C1orf21: variants seen among roughly 807,000 people sequenced by gnomAD.
The protein encoded by C1orf21 is uncharacterized protein C1orf21.
Under a neutral mutation model 18.7 loss-of-function variants are expected in C1orf21, and 3 were observed. That is an observed-to-expected ratio of 0.16 (90% CI 0.07 to 0.42). The LOEUF is 0.42. C1orf21 is among the 10% of genes least tolerant of loss of function. The pLI is 0.99. For synonymous variants in C1orf21, 41 were observed against 46.4 expected (o/e 0.88, Z 0.47); for missense variants, 104 against 143.6 (o/e 0.72, Z 1.41).
intron 1 of C1orf21, among the ~76,000 whole-genome samples, chr1:184,413,117 T>C (rs1656383545): frequency 1.3e-5 from 2 of 152,226 alleles, no homozygotes; most frequent in South Asian, 2.1e-4. Context: ...ATCTCTGTTA[T>C]TCTTCCTGAT....
intron 3 of C1orf21, among the ~76,000 whole-genome samples, chr1:184,560,361 A>C (rs1658946740): frequency 6.6e-6 from 1 of 152,188 alleles, no homozygotes; most frequent in African/African-American, 2.4e-5. Context: ...AGATCTTTGC[A>C]AACCTAGAGA....
intron 3 of C1orf21, among the ~76,000 whole-genome samples, chr1:184,555,390 C>G (rs1355663463): frequency 1.3e-5 from 2 of 151,992 alleles, no homozygotes; most frequent in Non-Finnish European, 2.9e-5. Flanking sequence ...TACACTGAGG[C>G]AGCCCCTCAG....
In C1orf21 at chr1:184,548,245, ACACACACACACT is replaced by A. The variant is rs750321154; in HGVS notation, c.189+40571_189+40582del. 1.5e-3 allele frequency among the ~76,000 whole-genome samples: 227 copies of A among 149,280 alleles called. 2 individuals are homozygous for A. Among genetic ancestry groups the A allele is most frequent in the African/African-American group, 5.7e-3 (224 of 39,236 alleles). On this transcript the variant is annotated intron_variant, in intron 3 of 5. Coordinates refer to ENST00000235307, the MANE Select transcript of C1orf21 (RefSeq NM_030806.4). ...CACACACACACACACACACACACAC[ACACACACACACT>A]CACACACTCACTCACACTGTAGTTA... is the stretch of plus-strand genomic sequence containing the variant.
chr1:184,441,557 T>A (rs1329411446), intron 1 of C1orf21, among the ~76,000 whole-genome samples: 1 of 152,234 alleles, frequency 6.6e-6, no homozygotes, highest in Non-Finnish European at 1.5e-5. Flanking sequence ...TATTATAATG[T>A]GTGATTATTA....
chr1:184,561,112 A>G (rs1377963571), intron 3 of C1orf21, among the ~76,000 whole-genome samples: 1 of 152,218 alleles, frequency 6.6e-6, no homozygotes, highest in Non-Finnish European at 1.5e-5. Flanking sequence ...CATCTTGACA[A>G]GGGCATTTAC....
At chr1:184,494,975 C>T (rs528639194) in intron 2 of C1orf21, among the ~76,000 whole-genome samples, 3 of 152,030 alleles carry the variant, frequency 2.0e-5, no homozygotes, top group Non-Finnish European at 4.4e-5. Context: ...GGGCATGGCC[C>T]AAGTGAGGAG....
At chr1:184,436,530 C>T (rs1458210125) in intron 1 of C1orf21, among the ~76,000 whole-genome samples, 1 of 151,904 alleles carries the variant, frequency 6.6e-6, no homozygotes, top group Admixed American at 6.6e-5. Flanking sequence ...CTGCCCAGCC[C>T]CCAGGAGCCC....
chr1:184,565,104 ATGT>A (rs1659017228), intron 3 of C1orf21, among the ~76,000 whole-genome samples: 1 of 152,218 alleles, frequency 6.6e-6, no homozygotes, highest in South Asian at 2.1e-4. Context: ...AAACCTCATG[ATGT>A]TAGAACAAAA....
intron 3 of C1orf21, among the ~76,000 whole-genome samples, chr1:184,582,773 C>G (rs1225606330): frequency 3.3e-5 from 5 of 152,148 alleles, no homozygotes; most frequent in African/African-American, 1.2e-4. Context: ...GCATCCTGAA[C>G]ATGGGTGTTG....
chr1:184,460,679 C>CTTCTTCTTTCTTCT (rs1657293567), intron 1 of C1orf21, among the ~76,000 whole-genome samples: 1 of 82,830 alleles, frequency 1.2e-5, no homozygotes, highest in African/African-American at 3.5e-5. Context: ...TCTTCTTCTT[C>CTTCTTCTTTCTTCT]TTCTTCTTTC....
At chr1:184,476,844 T>C (rs1389842516) in intron 1 of C1orf21, among the ~76,000 whole-genome samples, 1 of 152,154 alleles carries the variant, frequency 6.6e-6, no homozygotes, top group Non-Finnish European at 1.5e-5. Context: ...TACTGAATTA[T>C]TTACAGCCTT....
intron 3 of C1orf21, among the ~76,000 whole-genome samples, 200 bp downstream of exon 3, chr1:184,507,882 G>A (rs1345381992): frequency 1.3e-5 from 2 of 152,134 alleles, no homozygotes; most frequent in African/African-American, 2.4e-5. Context: ...TAATCTTGAT[G>A]GGGAATGCTC....
At chr1:184,567,807 C>G (rs373876502) in intron 3 of C1orf21, 79 of 230,780 alleles carry the variant, frequency 3.4e-4, no homozygotes, top group African/African-American at 1.7e-3. Flanking sequence ...CAAGGCCCTC[C>G]GCATACTAGC....
At chr1:184,462,758 C>T (rs1478250926) in intron 1 of C1orf21, among the ~76,000 whole-genome samples, 3 of 152,020 alleles carry the variant, frequency 2.0e-5, no homozygotes, top group Non-Finnish European at 2.9e-5. Flanking sequence ...GAGATTGATT[C>T]CCCCTTCCTC....
chr1:184,489,987 C>T (rs1657793976), intron 2 of C1orf21, among the ~76,000 whole-genome samples: 1 of 152,108 alleles, frequency 6.6e-6, no homozygotes, highest in African/African-American at 2.4e-5. Flanking sequence ...CAAATGTTTC[C>T]ATCTCCAGAA....
intron 2 of C1orf21, among the ~76,000 whole-genome samples, chr1:184,484,755 C>A (rs148765364): frequency 1.5e-3 from 231 of 152,322 alleles, no homozygotes; most frequent in African/African-American, 5.3e-3. Flanking sequence ...TGGTGTGAGA[C>A]TGAGCAGCAG....
intron 3 of C1orf21, among the ~76,000 whole-genome samples, chr1:184,554,092 C>T (rs1461820187): frequency 2.0e-5 from 3 of 152,176 alleles, no homozygotes; most frequent in African/African-American, 7.2e-5. Flanking sequence ...TCCTTTCTTG[C>T]TTGTAATTTT....
chr1:184,546,009 A>G (rs984054543), intron 3 of C1orf21: 2 of 152,178 alleles, frequency 1.3e-5, no homozygotes, highest in South Asian at 2.1e-4. Context: ...CCTTCTTACT[A>G]TCTGTCAAAT....
At chr1:184,545,050 C>A (rs547742650) in intron 3 of C1orf21, among the ~76,000 whole-genome samples, 1 of 152,322 alleles carries the variant, frequency 6.6e-6, no homozygotes, top group East Asian at 1.9e-4. Flanking sequence ...ACCATTATTT[C>A]TGCTGTAGAT....
Sources: gnomAD v4.1 joint callset for allele counts (sites outside exome capture counted in the v4.1 genomes callset) on GRCh38, gnomAD v4.1.1 for gene constraint, MANE v1.5 for transcripts, NCBI Gene and HGNC (gene_info 2026-07-23, HGNC 2026-07-21) for gene names.